NUMB: variants seen among roughly 807,000 people sequenced by gnomAD.
NUMB encodes the protein protein numb homolog.
A neutral mutation model predicts 59.7 loss-of-function variants in NUMB; 29 were observed. The observed-to-expected ratio is 0.49, with a 90% confidence interval of 0.36 to 0.66. The LOEUF (loss-of-function observed/expected upper bound fraction) is 0.66, where lower values mean the gene tolerates loss of function less well. Ranked by LOEUF, NUMB falls within the 30% of genes least tolerant of loss-of-function variation. The pLI, the probability that NUMB is intolerant of heterozygous loss-of-function variation, is 0.00. For missense variants in NUMB, 723 were observed against 822.0 expected, an observed-to-expected ratio of 0.88 and a Z score of 1.47; for synonymous variants, 288 against 288.2, an observed-to-expected ratio of 1.00 and a Z score of 0.01.
intron 4 of NUMB, among the ~76,000 whole-genome samples, chr14:73,348,115 T>C (rs888222479): frequency 1.3e-5 from 2 of 152,214 alleles, no homozygotes; most frequent in Admixed American, 1.3e-4. Context: ...CCAAGCTCAC[T>C]GGTCTCTAAG....
chr14:73,397,453 T>TG (rs1170726117), intron 2 of NUMB, among the ~76,000 whole-genome samples: 1 of 152,222 alleles, frequency 6.6e-6, no homozygotes, highest in Non-Finnish European at 1.5e-5. Context: ...CTGATGTAGC[T>TG]GATCCCACCA....
At chr14:73,337,458 T>C (rs1454697385) in intron 4 of NUMB, among the ~76,000 whole-genome samples, 1 of 152,216 alleles carries the variant, frequency 6.6e-6, no homozygotes, top group Non-Finnish European at 1.5e-5. Context: ...GCCAAGATAG[T>C]GCCACTGCAC....
chr14:73,324,104 G>A (rs1439725157), intron 4 of NUMB, among the ~76,000 whole-genome samples: 2 of 152,106 alleles, frequency 1.3e-5, no homozygotes, highest in Non-Finnish European at 2.9e-5. Flanking sequence ...TATCAACTGG[G>A]GTAGATTAAC....
chr14:73,350,906 C>T (rs1163967077), intron 4 of NUMB, among the ~76,000 whole-genome samples: 2 of 152,156 alleles, frequency 1.3e-5, no homozygotes, highest in African/African-American at 4.8e-5. Context: ...TCTAACCTAC[C>T]ATTATCTATC....
chr14:73,426,936 T>C (rs947858051), intron 1 of NUMB, among the ~76,000 whole-genome samples: 1 of 151,830 alleles, frequency 6.6e-6, no homozygotes, highest in South Asian at 2.1e-4. Context: ...ATCACTTGAG[T>C]CTGGGAGGTC....
At chr14:73,419,404 G>A (rs1897264613) in intron 1 of NUMB, among the ~76,000 whole-genome samples, 1 of 152,144 alleles carries the variant, frequency 6.6e-6, no homozygotes, top group Non-Finnish European at 1.5e-5. Context: ...CAGCTACTAG[G>A]AGGCTGAGGC....
chr14:73,395,037 T>TTATATGTG (rs1230785169), intron 2 of NUMB, among the ~76,000 whole-genome samples: 2 of 120,000 alleles, frequency 1.7e-5, no homozygotes, highest in Admixed American at 8.9e-5. Flanking sequence ...ATTCGTGTGT[T>TTATATGTG]TGTGTGTGTG....
chr14:73,330,028 A>ATCTC (rs1891875958), intron 4 of NUMB, among the ~76,000 whole-genome samples: 2 of 152,060 alleles, frequency 1.3e-5, no homozygotes, highest in African/African-American at 2.4e-5. Context: ...CAGCAGGGGC[A>ATCTC]AACACTTCAA....
At position 73,331,155 on chromosome 14, in the gene NUMB, C is replaced by A. The variant is rs183812518; in HGVS notation, c.127-7951G>T. 5.5e-3 allele frequency among the ~76,000 whole-genome samples: 839 copies of A among 152,312 alleles called. 5 individuals are homozygous for A. The highest frequency in any genetic ancestry group is 8.8e-3 in the Admixed American group (134 of 15,302). The stretch of plus-strand genomic sequence containing the variant: ...ATAATCCTTTATTATATCTGCTAAT[C>A]ATTCCTACATAAGATTTATAACATT... On this transcript the variant is annotated intron_variant, in intron 4 of 12. Transcript: ENST00000555238.
chr14:73,373,836 T>C (rs1429026295), intron 2 of NUMB, among the ~76,000 whole-genome samples: 1 of 151,504 alleles, frequency 6.6e-6, no homozygotes, highest in Admixed American at 6.6e-5. Context: ...CCCAAGTAGC[T>C]AGAACTACAG....
At chr14:73,299,488 C>A (rs1324230487) in intron 6 of NUMB, 2 of 151,442 alleles carry the variant, frequency 1.3e-5, no homozygotes, top group East Asian at 3.9e-4. Context: ...TGCCAGCCTG[C>A]CAGCCCCTAC....
intron 6 of NUMB, among the ~76,000 whole-genome samples, chr14:73,306,312 G>A (rs953538673): frequency 1.3e-5 from 2 of 152,144 alleles, no homozygotes; most frequent in Non-Finnish European, 1.5e-5. Flanking sequence ...CACTTCAATT[G>A]GGGGAGGGGA....
At chr14:73,384,889 A>ATTTTT (rs143582593) in intron 2 of NUMB, among the ~76,000 whole-genome samples, 1 of 114,450 alleles carries the variant, frequency 8.7e-6, no homozygotes, top group Non-Finnish European at 1.8e-5. Context: ...AATAACTGTA[A>ATTTTT]TTTTTTTTTT....
chr14:73,405,387 A>G (rs1262205747), intron 2 of NUMB, among the ~76,000 whole-genome samples: 1 of 151,790 alleles, frequency 6.6e-6, no homozygotes, highest in Non-Finnish European at 1.5e-5. Flanking sequence ...GGGAACTCCT[A>G]CAGCTCAGAG....
At chr14:73,435,271 CTTTTTTTT>C (rs11295491) in intron 1 of NUMB, among the ~76,000 whole-genome samples, 6 of 112,860 alleles carry the variant, frequency 5.3e-5, no homozygotes, top group South Asian at 5.8e-4. Flanking sequence ...TTGGCAATTA[CTTTTTTTT>C]TTTTTTTTTT....
rs117264488 is a variant in NUMB at position 73,343,038 on chromosome 14, G to A, written c.126+12588C>T. Among the ~76,000 whole-genome samples, 933 of 149,328 alleles carry A rather than the reference G, an allele frequency of 6.2e-3. 4 individuals are homozygous for A. Among genetic ancestry groups the A allele is most frequent in the Non-Finnish European group, 0.011 (716 of 67,558 alleles). ...TGTAAAGATGGAGTCTCCCTATGTT[G>A]CGGAGGCTTCAAACTCCTGGGCTCA... On this transcript the variant is annotated intron_variant, in intron 4 of 12. Transcript: ENST00000555238.
chr14:73,446,408 C>T (rs1883507918), intron 1 of NUMB, among the ~76,000 whole-genome samples: 1 of 151,842 alleles, frequency 6.6e-6, no homozygotes, highest in African/African-American at 2.4e-5. Flanking sequence ...GAGTTCGAGA[C>T]CAGCCTGGCC....
At chr14:73,359,261 A>T (rs959199544) in intron 3 of NUMB, among the ~76,000 whole-genome samples, 2 of 152,196 alleles carry the variant, frequency 1.3e-5, no homozygotes, top group African/African-American at 4.8e-5. Context: ...CACGAGAATC[A>T]CTTGAACCCA....
intron 2 of NUMB, among the ~76,000 whole-genome samples, chr14:73,401,563 AT>A (rs1164847403): frequency 0.18 from 19,552 of 110,068 alleles, 643 homozygotes; most frequent in Non-Finnish European, 0.19. Flanking sequence ...GTAAGACTAA[AT>A]TTTTTTTTTT....
Sources: gnomAD v4.1 joint callset for allele counts (sites outside exome capture counted in the v4.1 genomes callset) on GRCh38, gnomAD v4.1.1 for gene constraint, MANE v1.5 for transcripts, NCBI Gene and HGNC (gene_info 2026-07-23, HGNC 2026-07-21) for gene names.